The following FGGY variants were observed in gnomAD, a reference collection of about 807,000 sequenced individuals.
FGGY encodes the protein FGGY carbohydrate kinase domain containing.
In FGGY, 72 loss-of-function variants were observed where a neutral mutation model predicts 71.3. The ratio of observed to expected loss-of-function variants is 1.01; its 90% CI spans 0.84 to 1.23. FGGY has a LOEUF of 1.23. Ranked by LOEUF, FGGY falls within the 50% of genes most tolerant of loss-of-function variation. The pLI is 0.00. For synonymous variants in FGGY, 251 were observed against 250.3 expected (o/e 1.00, Z -0.02); for missense variants, 668 against 682.3 (o/e 0.98, Z 0.23).
At chr1:59,519,715 C>T (rs1184585054) in intron 7 of FGGY, among the ~76,000 whole-genome samples, 2 of 152,198 alleles carry the variant, frequency 1.3e-5, no homozygotes, top group African/African-American at 4.8e-5. Context: ...AAGTACTCTA[C>T]CTGATACTGC....
At chr1:59,677,130 T>C (rs1433941103) in intron 14 of FGGY, among the ~76,000 whole-genome samples, 1 of 152,180 alleles carries the variant, frequency 6.6e-6, no homozygotes, top group Non-Finnish European at 1.5e-5. Flanking sequence ...TTTGCTCCCC[T>C]CCAAAGAAGA....
At chr1:59,714,500 G>A (rs1180722567) in intron 14 of FGGY, among the ~76,000 whole-genome samples, 2 of 152,190 alleles carry the variant, frequency 1.3e-5, no homozygotes, top group Non-Finnish European at 2.9e-5. Flanking sequence ...CTGAACTCTG[G>A]GAATAGACAG....
chr1:59,477,915 C>G (rs979692668), intron 6 of FGGY, among the ~76,000 whole-genome samples: 1 of 152,240 alleles, frequency 6.6e-6, no homozygotes, highest in Admixed American at 6.5e-5. Flanking sequence ...ATTGTTGACT[C>G]AGAGCTGGGG....
chr1:59,576,561 G>C (rs1229925755), intron 8 of FGGY, among the ~76,000 whole-genome samples: 1 of 152,028 alleles, frequency 6.6e-6, no homozygotes, highest in Non-Finnish European at 1.5e-5. Context: ...AGAACTTAAA[G>C]TAAAATAATA....
intron 5 of FGGY, among the ~76,000 whole-genome samples, chr1:59,410,785 A>G (rs548650923): frequency 4.7e-4 from 72 of 152,292 alleles, no homozygotes; most frequent in African/African-American, 1.7e-3. Flanking sequence ...GTATTTTAAT[A>G]TCTTCTCATT....
At chr1:59,599,014 T>G (rs892355810) in intron 8 of FGGY, among the ~76,000 whole-genome samples, 4 of 152,228 alleles carry the variant, frequency 2.6e-5, no homozygotes, top group Non-Finnish European at 4.4e-5. Context: ...CAGGAGTACC[T>G]AACCCAGCAT....
intron 6 of FGGY, 22 bp from the exon 7 acceptor site, chr1:59,512,286 TTTG>T (rs778054131): frequency 6.3e-7 from 1 of 1,577,118 alleles, no homozygotes; most frequent in African/African-American, 1.4e-5. Flanking sequence ...ACTGATGGTG[TTTG>T]TTTTTTCTCA....
intron 7 of FGGY, among the ~76,000 whole-genome samples, chr1:59,515,734 C>T (rs1014525517): frequency 6.6e-6 from 1 of 152,176 alleles, no homozygotes; most frequent in Admixed American, 6.5e-5. Flanking sequence ...CTTGCTGCCA[C>T]CATGTAAGAA....
intron 5 of FGGY, among the ~76,000 whole-genome samples, chr1:59,413,029 T>A (rs1337804383): frequency 6.6e-6 from 1 of 152,212 alleles, no homozygotes; most frequent in Non-Finnish European, 1.5e-5. Context: ...GCCACCTTTC[T>A]TCCAACTCCC....
At chr1:59,390,935 A>G (rs1018362524) in intron 5 of FGGY, among the ~76,000 whole-genome samples, 3 of 152,188 alleles carry the variant, frequency 2.0e-5, no homozygotes, top group African/African-American at 7.2e-5. Flanking sequence ...TTAGTAAAGC[A>G]TCTGTGAGGC....
At chr1:59,356,544 C>G (rs901654732) in intron 4 of FGGY, among the ~76,000 whole-genome samples, 1 of 152,190 alleles carries the variant, frequency 6.6e-6, no homozygotes, top group African/African-American at 2.4e-5. Context: ...CTGTATTTAT[C>G]TCAGTGTCCC....
intron 9 of FGGY, among the ~76,000 whole-genome samples, chr1:59,625,265 TC>T (rs1165901455): frequency 6.6e-6 from 1 of 152,124 alleles, no homozygotes; most frequent in Non-Finnish European, 1.5e-5. Context: ...AACATTTCTG[TC>T]CCTGATACAT....
intron 4 of FGGY, among the ~76,000 whole-genome samples, chr1:59,370,614 C>G (rs2057433820): frequency 6.6e-6 from 1 of 151,352 alleles, no homozygotes; most frequent in Non-Finnish European, 1.5e-5. Context: ...TCAGATTCAC[C>G]AAAGTTGAAA....
At chr1:59,612,142 A>G (rs2096689810) in intron 9 of FGGY, among the ~76,000 whole-genome samples, 1 of 152,212 alleles carries the variant, frequency 6.6e-6, no homozygotes, top group Admixed American at 6.5e-5. Context: ...GGAAATACAG[A>G]GAATGCCACA....
intron 2 of FGGY, among the ~76,000 whole-genome samples, chr1:59,335,671 A>G (rs2049343883): frequency 6.6e-6 from 1 of 152,300 alleles, no homozygotes; most frequent in African/African-American, 2.4e-5. Context: ...ACAATTCTCT[A>G]ACACTTGGTA....
rs115465129 is a variant in FGGY at position 59,297,107 on chromosome 1, C to T, written c.-58C>T. On this transcript the variant is annotated 5_prime_UTR_variant, in exon 1 of 16. Coordinates refer to ENST00000303721, the MANE Select transcript of FGGY (RefSeq NM_018291.5). The stretch of plus-strand genomic sequence containing the variant: ...CCGCTTAGTCTCACACCCGCCGGGC[C>T]GTTGTTCCCGAGACGTTGTTGAGTC... 445 of 152,976 alleles carry T rather than the reference C, an allele frequency of 2.9e-3. 6 individuals carry two copies. Among genetic ancestry groups the T allele is most frequent in the African/African-American group, 0.01 (429 of 41,532 alleles). 9.5% of individuals were successfully genotyped at this position (152,976 alleles called of 1,614,324 possible). A position where few individuals can be genotyped will look rare whatever the true frequency, so the allele number is the denominator to read the frequency against.
At chr1:59,447,314 C>A (rs1023848017) in intron 5 of FGGY, among the ~76,000 whole-genome samples, 2 of 152,154 alleles carry the variant, frequency 1.3e-5, no homozygotes, top group African/African-American at 4.8e-5. Flanking sequence ...AGCCTTATAT[C>A]TTTTCTTTTT....
At chr1:59,349,951 CT>C (rs34508810) in intron 4 of FGGY, among the ~76,000 whole-genome samples, 16,569 of 152,108 alleles carry the variant, frequency 0.11, 937 homozygotes, top group Middle Eastern at 0.12. Context: ...GGCCTGGGAA[CT>C]TGTGAAACCA....
At chr1:59,505,408 GT>G (rs1194855602) in intron 6 of FGGY, among the ~76,000 whole-genome samples, 5 of 152,136 alleles carry the variant, frequency 3.3e-5, no homozygotes, top group Admixed American at 3.3e-4. Context: ...CAGATTGTAG[GT>G]TCAGTCTGAA....
Sources: gnomAD v4.1 joint callset for allele counts (sites outside exome capture counted in the v4.1 genomes callset) on GRCh38, gnomAD v4.1.1 for gene constraint, MANE v1.5 for transcripts, NCBI Gene and HGNC (gene_info 2026-07-23, HGNC 2026-07-21) for gene names.